SGSM1: variants seen among roughly 807,000 people sequenced by gnomAD.
The protein encoded by SGSM1 is small G protein signaling modulator 1, also known as RUN and TBC1 domain containing 2.
A neutral mutation model predicts 133.8 loss-of-function variants in SGSM1; 73 were observed. That is an observed-to-expected ratio of 0.55 (90% CI 0.45 to 0.66). The LOEUF (loss-of-function observed/expected upper bound fraction) is 0.66. Among genes scored for constraint, SGSM1 ranks in the 30% least tolerant of loss-of-function variants. SGSM1 has a pLI of 0.00. For synonymous variants in SGSM1, 563 were observed against 573.0 expected, an observed-to-expected ratio of 0.98 and a Z score of 0.25; for missense variants, 1,213 against 1,448.1, an observed-to-expected ratio of 0.84 and a Z score of 2.64.
chr22:24,908,317 T>C (rs780893006), intron 21 of SGSM1, among the ~76,000 whole-genome samples: 2 of 140,900 alleles, frequency 1.4e-5, no homozygotes, highest in Non-Finnish European at 3.1e-5. Context: ...TTTTTAGATA[T>C]GACACCAAAA....
intron 8 of SGSM1, among the ~76,000 whole-genome samples, chr22:24,856,957 A>G (rs1269722443): frequency 2.0e-5 from 3 of 151,820 alleles, no homozygotes; most frequent in Admixed American, 2.0e-4. Context: ...TTTAGTAGAG[A>G]TGGGATTTCA....
intron 9 of SGSM1, among the ~76,000 whole-genome samples, chr22:24,863,868 A>G (rs1931300269): frequency 6.7e-6 from 1 of 149,724 alleles, no homozygotes; most frequent in Non-Finnish European, 1.5e-5. Flanking sequence ...CAGCCTCCCG[A>G]GTAGCTGGGA....
Position 24,855,344 on chromosome 22 carries a change from C to T in SGSM1, c.583C>T (p.Pro195Ser), listed in dbSNP as rs757338795. Reference protein sequence around the residue: ...MKTADHFWTDPSADELVQRHR... With the variant: ...MKTADHFWTDSSADELVQRHR... The stretch of plus-strand genomic sequence containing the variant: ...GACTGCAGATCACTTCTGGACCGAT[C>T]CCTCGGCTGACGAACTTGTCCAGAG... The change falls in exon 7 of 25, where the codon CCC becomes TCC. Residue 195 changes from proline (P) to serine (S), a missense_variant. Pro to Ser is a moderately conservative substitution (Grantham distance 74, BLOSUM62 -1). Coordinates refer to ENST00000400358, the MANE Select transcript of SGSM1 (RefSeq NM_001098497.3). 3 of 1,613,322 alleles carry T rather than the reference C, an allele frequency of 1.9e-6. No homozygotes were observed. Among genetic ancestry groups the T allele is most frequent in the African/African-American group, 2.7e-5 (2 of 74,906 alleles).
Position 24,905,086 on chromosome 22 carries a change from C to A in SGSM1, c.2736-19C>A, listed in dbSNP as rs374156356. The A allele has an allele frequency of 6.2e-7, 1 of 1,612,040 alleles. No homozygotes were observed. The highest frequency in any genetic ancestry group is 1.1e-5 in the South Asian group (1 of 91,016). ...GGCAGGCCACGGCTGCCATCATTGGCCCCTTGTGTCTCTTCTAGCTACATC... is the reference window on the plus strand; with the variant it reads ...GGCAGGCCACGGCTGCCATCATTGGACCCTTGTGTCTCTTCTAGCTACATC... On this transcript the variant is annotated intron_variant, in intron 20 of 24. Transcript: ENST00000400358.
At chr22:24,852,727 G>A (rs1159154663) in intron 5 of SGSM1, among the ~76,000 whole-genome samples, 1 of 152,194 alleles carries the variant, frequency 6.6e-6, no homozygotes, top group Non-Finnish European at 1.5e-5. Flanking sequence ...ACAAGCATGA[G>A]CCACTGTGCC....
intron 14 of SGSM1, among the ~76,000 whole-genome samples, chr22:24,880,399 G>C (rs988828051): frequency 6.6e-6 from 1 of 152,166 alleles, no homozygotes; most frequent in African/African-American, 2.4e-5. Context: ...CTCCCAAAGT[G>C]CTGGGATTAC....
chr22:24,899,021 C>G (rs1412827616), intron 19 of SGSM1, among the ~76,000 whole-genome samples: 1 of 62,432 alleles, frequency 1.6e-5, no homozygotes, highest in South Asian at 1.0e-3. Context: ...AGCAAGATCT[C>G]AAAAAAAAAA....
rs868810923 is a variant in SGSM1 at position 24,893,500 on chromosome 22, C to T, written c.1840C>T (p.Arg614Trp). 13 of 1,613,376 alleles carry T rather than the reference C, an allele frequency of 8.1e-6. No individual in the cohort carries two copies. The highest frequency in any genetic ancestry group is 2.7e-5 in the African/African-American group (2 of 74,882). ...GTGGCTGGGCTGCGAGGCGATCGTGCGGCAGAGGGAGCGGGAGTCCCATGC... is the reference window on the plus strand; with the variant it reads ...GTGGCTGGGCTGCGAGGCGATCGTGTGGCAGAGGGAGCGGGAGTCCCATGC... ...AEWLGCEAIV[R>W]QRERESHAAA... Residue 614 changes from arginine to tryptophan, a missense_variant, in exon 17 of 25, where the codon CGG becomes TGG. Arg to Trp is a moderately radical substitution (Grantham distance 101). Coordinates refer to ENST00000400358, the MANE Select transcript of SGSM1 (RefSeq NM_001098497.3).
chr22:24,816,186 A>G (rs1344680130), intron 2 of SGSM1, among the ~76,000 whole-genome samples: 1 of 152,198 alleles, frequency 6.6e-6, no homozygotes, highest in Admixed American at 6.5e-5. Flanking sequence ...CTTCCTACAC[A>G]GTAGGTACGA....
intron 15 of SGSM1, among the ~76,000 whole-genome samples, chr22:24,884,533 G>A (rs553148623): frequency 6.6e-6 from 1 of 152,204 alleles, no homozygotes; most frequent in African/African-American, 2.4e-5. Flanking sequence ...GAGGAGGGTG[G>A]ATCACTTGAG....
chr22:24,897,858 C>T (rs1483855070), intron 18 of SGSM1, 114 bp from the exon 19 acceptor site: 2 of 894,442 alleles, frequency 2.2e-6, no homozygotes, highest in East Asian at 2.7e-5. Flanking sequence ...TATTCCACTG[C>T]ATGCTTGATC....
chr22:24,856,805 A>C (rs139688), intron 8 of SGSM1, among the ~76,000 whole-genome samples: 3 of 142,072 alleles, frequency 2.1e-5, no homozygotes, highest in Non-Finnish European at 3.0e-5. Context: ...GTCTCGCTCT[A>C]TTGCCCAGGC....
At position 24,925,241 on chromosome 22, in the gene SGSM1, C is replaced by G. The variant is rs1245209891; in HGVS notation, c.*967C>G. 2.0e-5 allele frequency: 3 copies of G among 152,110 alleles called. No homozygotes were observed. The highest frequency in any genetic ancestry group is 4.4e-5 in the Non-Finnish European group (3 of 68,130). The allele number at this position is 152,110 out of a possible 1,614,324, so 9.4% of individuals were successfully genotyped here. A position where few individuals can be genotyped will look rare whatever the true frequency, so the allele number is the denominator to read the frequency against. On this transcript the variant is annotated 3_prime_UTR_variant, in exon 25 of 25. Transcript: ENST00000400358. ...GTGTGGTGGCGGGTGCCTGTAATCC[C>G]AGCTACTTGGGAGGCTGAGGCAGGA...
chr22:24,819,149 A>AC (rs1224167253), intron 2 of SGSM1, among the ~76,000 whole-genome samples: 2 of 147,400 alleles, frequency 1.4e-5, no homozygotes, highest in Non-Finnish European at 3.0e-5. Context: ...CTGTCAAAAA[A>AC]AAAAAAAAAC....
intron 2 of SGSM1, among the ~76,000 whole-genome samples, chr22:24,807,800 G>A (rs1291634826): frequency 7.2e-5 from 11 of 151,850 alleles, no homozygotes; most frequent in Non-Finnish European, 1.2e-4. Context: ...CTCCTTCCCT[G>A]CACAGTGGCA....
chr22:24,836,930 A>G (rs549413803), intron 2 of SGSM1, among the ~76,000 whole-genome samples: 52 of 152,320 alleles, frequency 3.4e-4, no homozygotes, highest in Admixed American at 7.2e-4. Flanking sequence ...TTTGCTGTCC[A>G]GTTTACCTAT....
At chr22:24,862,825 A>G (rs1430036017) in intron 9 of SGSM1, among the ~76,000 whole-genome samples, 1 of 152,178 alleles carries the variant, frequency 6.6e-6, no homozygotes, top group Non-Finnish European at 1.5e-5. Flanking sequence ...ACTCCACCTC[A>G]ATGAGCCTCA....
intron 9 of SGSM1, among the ~76,000 whole-genome samples, chr22:24,866,553 G>A (rs542176734): frequency 1.3e-4 from 20 of 152,300 alleles, no homozygotes; most frequent in African/African-American, 3.6e-4. Flanking sequence ...GATGGATCCA[G>A]GGACTTGAAT....
At chr22:24,818,529 G>A (rs1040672144) in intron 2 of SGSM1, among the ~76,000 whole-genome samples, 2 of 151,442 alleles carry the variant, frequency 1.3e-5, no homozygotes, top group Admixed American at 6.6e-5. Context: ...CACCACATCC[G>A]GCTAATTTTT....
Sources: allele counts gnomAD v4.1 joint callset (sites outside exome capture counted in the v4.1 genomes callset), GRCh38; gene constraint gnomAD v4.1.1; transcripts MANE v1.5; gene names NCBI Gene and HGNC (gene_info 2026-07-23, HGNC 2026-07-21).